The following CPQ variants were observed in gnomAD, a reference collection of about 807,000 sequenced individuals.
CPQ encodes the protein carboxypeptidase Q.
Under a neutral mutation model 45.7 loss-of-function variants are expected in CPQ, and 37 were observed. The observed-to-expected ratio is 0.81, with a 90% CI of 0.62 to 1.07. The LOEUF is 1.07. CPQ is among the 50% of genes least tolerant of loss of function. The probability of loss-of-function intolerance (pLI) is 0.00; values close to 1 mark genes in which losing one functional copy is unlikely to be tolerated. For synonymous variants in CPQ, 186 were observed against 205.8 expected, an observed-to-expected ratio of 0.90 and a Z score of 0.82; for missense variants, 537 against 572.9, an observed-to-expected ratio of 0.94 and a Z score of 0.64.
chr8:96,996,016 A>G (rs1384875227), intron 5 of CPQ, among the ~76,000 whole-genome samples: 1 of 152,042 alleles, frequency 6.6e-6, no homozygotes, highest in African/African-American at 2.4e-5. Flanking sequence ...GAAAAATAGA[A>G]GAGAAGCAGG....
At chr8:96,855,620 T>G (rs1392563836) in intron 3 of CPQ, among the ~76,000 whole-genome samples, 2 of 152,256 alleles carry the variant, frequency 1.3e-5, no homozygotes, top group South Asian at 4.1e-4. Context: ...TTCACGAAAA[T>G]GTATCAGGCC....
At chr8:96,847,758 G>A (rs2130857847) in intron 3 of CPQ, among the ~76,000 whole-genome samples, 1 of 150,630 alleles carries the variant, frequency 6.6e-6, no homozygotes, top group Admixed American at 6.6e-5. Context: ...CATAATTGCT[G>A]TTAATTGTTA....
chr8:96,703,271 C>T (rs1809492057), intron 1 of CPQ, among the ~76,000 whole-genome samples: 1 of 152,108 alleles, frequency 6.6e-6, no homozygotes, highest in Admixed American at 6.6e-5. Context: ...TGTCTTGCCA[C>T]CTAAGTTTAG....
intron 6 of CPQ, among the ~76,000 whole-genome samples, chr8:97,063,363 A>G (rs1227747751): frequency 6.6e-6 from 1 of 152,088 alleles, no homozygotes; most frequent in African/African-American, 2.4e-5. Context: ...TTCCTTATAG[A>G]TGCTGTATAT....
chr8:96,703,366 C>T (rs1391776865), intron 1 of CPQ, among the ~76,000 whole-genome samples: 1 of 152,140 alleles, frequency 6.6e-6, no homozygotes, highest in Non-Finnish European at 1.5e-5. Context: ...CATAAAATCT[C>T]ATGCACAATA....
chr8:96,647,545 C>G (rs1188541739), intron 1 of CPQ, among the ~76,000 whole-genome samples: 1 of 152,122 alleles, frequency 6.6e-6, no homozygotes, highest in Non-Finnish European at 1.5e-5. Context: ...ACTCAAAACT[C>G]AAGCAGATGG....
intron 5 of CPQ, among the ~76,000 whole-genome samples, chr8:97,004,078 A>G (rs964620725): frequency 2.0e-5 from 3 of 152,136 alleles, no homozygotes; most frequent in Non-Finnish European, 4.4e-5. Flanking sequence ...ATCCTTTGAA[A>G]TGTTAGCGGG....
intron 5 of CPQ, among the ~76,000 whole-genome samples, chr8:96,984,790 G>A (rs944882873): frequency 6.6e-6 from 1 of 152,126 alleles, no homozygotes; most frequent in Non-Finnish European, 1.5e-5. Flanking sequence ...CTAATTATAG[G>A]TTTATTGTGA....
intron 7 of CPQ, among the ~76,000 whole-genome samples, chr8:97,127,490 C>A (rs935237054): frequency 6.6e-6 from 1 of 152,102 alleles, no homozygotes; most frequent in Non-Finnish European, 1.5e-5. Flanking sequence ...GAGTTTGAGA[C>A]CAGCCTGGCC....
rs16895238 is a variant in CPQ, at chr8:97,114,894, T to C, written c.1256-28126T>C. 9.2e-3 allele frequency among the ~76,000 whole-genome samples: 1,402 copies of C among 152,320 alleles called. 16 individuals carry two copies. The highest frequency in any genetic ancestry group is 0.032 in the African/African-American group (1,313 of 41,586). ...CTCCCTCCTGCTTTCCTAAAATCCATCTTGTTTCCCTGTATTGTTTGCTGA... is the reference window on the plus strand; with the variant it reads ...CTCCCTCCTGCTTTCCTAAAATCCACCTTGTTTCCCTGTATTGTTTGCTGA... On this transcript the variant is annotated intron_variant, in intron 7 of 7. Coordinates refer to ENST00000220763, the MANE Select transcript of CPQ (RefSeq NM_016134.4).
chr8:96,824,316 T>C (rs1277075939), intron 2 of CPQ, among the ~76,000 whole-genome samples: 1 of 152,076 alleles, frequency 6.6e-6, no homozygotes, highest in Non-Finnish European at 1.5e-5. Context: ...GTAATACCTA[T>C]CATATAGGGA....
At chr8:97,054,514 A>G (rs1810418997) in intron 6 of CPQ, among the ~76,000 whole-genome samples, 1 of 152,250 alleles carries the variant, frequency 6.6e-6, no homozygotes. Flanking sequence ...AAGATATGGA[A>G]TAAACCTAAC....
rs1360914542 is a variant in CPQ at position 97,136,737 on chromosome 8, GT to G, written c.1256-6280del. Among the ~76,000 whole-genome samples the G allele has an allele frequency of 3.3e-5, 5 of 152,204 alleles. No homozygotes were observed. The East Asian group carries it at 7.7e-4, about 23-fold the overall frequency. On this transcript the variant is annotated intron_variant, in intron 7 of 7. Coordinates refer to ENST00000220763, the MANE Select transcript of CPQ (RefSeq NM_016134.4). ...GTGAAACTGCCCTAATAATGCTGTA[GT>G]TTGTTTCCAGGGGAGAATATTTGCC...
chr8:96,888,401 T>C (rs941656224), intron 4 of CPQ, among the ~76,000 whole-genome samples: 1 of 152,022 alleles, frequency 6.6e-6, no homozygotes, highest in African/African-American at 2.4e-5. Context: ...GCCCTAAAAT[T>C]CCTTTATTAA....
chr8:97,075,761 A>AT (rs1326358946), intron 7 of CPQ, among the ~76,000 whole-genome samples: 12 of 152,202 alleles, frequency 7.9e-5, no homozygotes, highest in African/African-American at 1.9e-4. Context: ...TTAAAGTGTG[A>AT]TTTTTTAAAA....
At chr8:97,023,308 CT>C (rs1263512064) in intron 5 of CPQ, among the ~76,000 whole-genome samples, 1 of 151,784 alleles carries the variant, frequency 6.6e-6, no homozygotes, top group Non-Finnish European at 1.5e-5. Context: ...ACACAATGGA[CT>C]TTGGGGACTC....
intron 7 of CPQ, among the ~76,000 whole-genome samples, chr8:97,129,304 G>A (rs181538173): frequency 1.3e-5 from 2 of 152,198 alleles, no homozygotes; most frequent in East Asian, 1.9e-4. Context: ...CCTAAGATGA[G>A]TAAATATGAA....
At chr8:97,115,669 T>G (rs567972830) in intron 7 of CPQ, among the ~76,000 whole-genome samples, 1 of 152,362 alleles carries the variant, frequency 6.6e-6, no homozygotes, top group South Asian at 2.1e-4. Flanking sequence ...TGTATGTACC[T>G]GATGGGTACA....
chr8:96,721,367 C>T (rs28663352), intron 1 of CPQ, among the ~76,000 whole-genome samples: 5,051 of 152,048 alleles, frequency 0.033, 124 homozygotes, highest in Middle Eastern at 0.082. Context: ...TCTTACACTG[C>T]CCCCTTCCCA....
Sources: allele counts gnomAD v4.1 joint callset (sites outside exome capture counted in the v4.1 genomes callset), GRCh38; gene constraint gnomAD v4.1.1; transcripts MANE v1.5; gene names NCBI Gene and HGNC (gene_info 2026-07-23, HGNC 2026-07-21).